GPC6: variants seen among roughly 807,000 people sequenced by gnomAD.
The protein encoded by GPC6 is glypican 6, also known as glypican-6.
Under a neutral mutation model 55.2 loss-of-function variants are expected in GPC6, and 14 were observed. The observed-to-expected ratio is 0.25, with a 90% CI of 0.17 to 0.40. The LOEUF is 0.40. Among genes scored for constraint, GPC6 ranks in the 10% least tolerant of loss-of-function variants. The pLI, the probability that GPC6 is intolerant of heterozygous loss-of-function variation, is 1.00. For synonymous variants in GPC6, 278 were observed against 259.6 expected, an observed-to-expected ratio of 1.07 and a Z score of -0.68; for missense variants, 641 against 708.5, an observed-to-expected ratio of 0.90 and a Z score of 1.08.
rs546439594 is a variant in GPC6, at chr13:94,043,886, A to G, written c.877+15992A>G. 8.2e-4 allele frequency among the ~76,000 whole-genome samples: 124 copies of G among 151,900 alleles called. 1 individual carries two copies. Among genetic ancestry groups the G allele is most frequent in the Middle Eastern group, 3.4e-3 (1 of 294 alleles). ...AATTACTTAGGTTAGTTATGTTCTT[A>G]GTTACTTAGGTTAGTCATCTTCTTG... On this transcript the variant is annotated intron_variant, in intron 4 of 8. Coordinates refer to ENST00000377047, the MANE Select transcript of GPC6 (RefSeq NM_005708.5).
upstream of GPC6, among the ~76,000 whole-genome samples, chr13:93,223,133 G>T (rs1271635370): frequency 1.4e-5 from 2 of 147,764 alleles, no homozygotes; most frequent in African/African-American, 5.0e-5. Context: ...TCCCTTGGTG[G>T]TGAGCACAAT....
intron 6 of GPC6, among the ~76,000 whole-genome samples, chr13:94,349,241 C>T (rs9561542): frequency 0.13 from 19,820 of 152,106 alleles, 1,496 homozygotes; most frequent in East Asian, 0.23. Flanking sequence ...CTATCTGTGC[C>T]GCCACAGAAA....
At chr13:93,454,868 A>T (rs539104633) in intron 1 of GPC6, among the ~76,000 whole-genome samples, 1 of 152,340 alleles carries the variant, frequency 6.6e-6, no homozygotes, top group East Asian at 1.9e-4. Flanking sequence ...TGGGCCGCAC[A>T]GGAGCCCATG....
chr13:93,718,643 C>T (rs1883337282), intron 2 of GPC6, among the ~76,000 whole-genome samples: 1 of 151,984 alleles, frequency 6.6e-6, no homozygotes, highest in African/African-American at 2.4e-5. Context: ...GCTTTTGTTG[C>T]AATTGCTCTT....
chr13:93,977,953 A>G (rs923837245), intron 3 of GPC6, among the ~76,000 whole-genome samples: 1 of 152,230 alleles, frequency 6.6e-6, no homozygotes. Context: ...TGTCTAAAAT[A>G]TCTTATGCTG....
At chr13:93,376,775 AC>A (rs1210584054) in intron 1 of GPC6, among the ~76,000 whole-genome samples, 3 of 121,150 alleles carry the variant, frequency 2.5e-5, no homozygotes, top group Non-Finnish European at 5.0e-5. Flanking sequence ...ATTCTTGCTC[AC>A]TTTTTTTTTT....
At chr13:94,127,921 T>C (rs1489606180) in intron 4 of GPC6, among the ~76,000 whole-genome samples, 2 of 152,094 alleles carry the variant, frequency 1.3e-5, no homozygotes, top group East Asian at 3.9e-4. Context: ...AAAGCCAAAT[T>C]AGGAATTAGA....
chr13:93,698,831 C>T (rs1360675434), intron 2 of GPC6, among the ~76,000 whole-genome samples: 4 of 151,922 alleles, frequency 2.6e-5, no homozygotes, highest in Non-Finnish European at 4.4e-5. Flanking sequence ...CCTCCTTCTT[C>T]CTTTTTTCTC....
chr13:94,306,078 T>C lies in GPC6; in HGVS notation c.1107T>C (p.Pro369=), dbSNP rs1201551450. 1 of 1,614,190 alleles carries C rather than the reference T, an allele frequency of 6.2e-7. No homozygotes were observed. Among genetic ancestry groups the C allele is most frequent in the South Asian group, 1.1e-5 (1 of 91,088 alleles). The change falls in exon 6 of 9, where the codon CCT becomes CCC. Residue 369 remains proline (P), a synonymous_variant. Coordinates refer to ENST00000377047, the MANE Select transcript of GPC6 (RefSeq NM_005708.5). ...NFNTRFRPYN[P]EERPTTAAGT... is the part of the protein sequence containing the mutation. Reference sequence around the variant, plus strand: ...ATACACGTTTCAGGCCCTACAATCCTGAGGAAAGACCAACAACTGCTGCAG... The same window carrying C: ...ATACACGTTTCAGGCCCTACAATCCCGAGGAAAGACCAACAACTGCTGCAG...
rs112896466 is a variant in GPC6, at chr13:93,245,476, A to G, written c.160+17860A>G. On this transcript the variant is annotated intron_variant, in intron 1 of 8. Transcript: ENST00000377047. The stretch of plus-strand genomic sequence containing the variant: ...TTTACTATGCACCAGAATCACCGAA[A>G]GGCTTGCAAAACACAAATGGCTGGG... 6.4e-3 allele frequency among the ~76,000 whole-genome samples: 982 copies of G among 152,278 alleles called. 7 individuals carry two copies. Among genetic ancestry groups the G allele is most frequent in the African/African-American group, 0.023 (936 of 41,554 alleles).
intron 2 of GPC6, among the ~76,000 whole-genome samples, chr13:93,805,631 T>C (rs891666164): frequency 1.3e-5 from 2 of 152,214 alleles, no homozygotes; most frequent in Non-Finnish European, 2.9e-5. Context: ...TACATAGTTT[T>C]TAGCCACTGC....
intron 3 of GPC6, among the ~76,000 whole-genome samples, chr13:93,982,560 A>C (rs1177956371): frequency 1.3e-5 from 2 of 152,192 alleles, no homozygotes; most frequent in Non-Finnish European, 1.5e-5. Context: ...TCTCTCTGTC[A>C]AGAATCAATC....
intron 3 of GPC6, among the ~76,000 whole-genome samples, chr13:93,996,623 A>G (rs572689798): frequency 6.6e-6 from 1 of 151,826 alleles, no homozygotes; most frequent in African/African-American, 2.4e-5. Context: ...AACTAAAACC[A>G]CTCCAGGTCA....
intron 2 of GPC6, among the ~76,000 whole-genome samples, chr13:93,707,465 T>G (rs1473100377): frequency 6.6e-6 from 1 of 151,734 alleles, no homozygotes; most frequent in Non-Finnish European, 1.5e-5. Context: ...CAAGAAAAAT[T>G]GGATGGTAGG....
At chr13:93,687,080 G>A (rs969173453) in intron 2 of GPC6, among the ~76,000 whole-genome samples, 1 of 151,702 alleles carries the variant, frequency 6.6e-6, no homozygotes, top group Non-Finnish European at 1.5e-5. Context: ...TTGTCAAGCT[G>A]GAATTCTTTG....
chr13:93,487,114 G>C (rs890051456), intron 1 of GPC6, among the ~76,000 whole-genome samples: 1 of 152,122 alleles, frequency 6.6e-6, no homozygotes, highest in Admixed American at 6.5e-5. Flanking sequence ...GTGGCCAGAG[G>C]CCATTCTAAC....
upstream of GPC6, among the ~76,000 whole-genome samples, chr13:93,224,167 G>C (rs1312833609): frequency 4.0e-5 from 6 of 150,782 alleles, no homozygotes; most frequent in Non-Finnish European, 7.4e-5. Flanking sequence ...CAAAGTGCTG[G>C]GATTACAGGC....
intron 3 of GPC6, among the ~76,000 whole-genome samples, chr13:93,875,577 G>A (rs1172280025): frequency 6.6e-6 from 1 of 152,074 alleles, no homozygotes; most frequent in Non-Finnish European, 1.5e-5. Flanking sequence ...GAAAGGGAAT[G>A]TGTCTTTCTT....
intron 4 of GPC6, among the ~76,000 whole-genome samples, chr13:94,031,507 G>A (rs1346483682): frequency 6.6e-6 from 1 of 152,130 alleles, no homozygotes; most frequent in Non-Finnish European, 1.5e-5. Flanking sequence ...AAACAGGAGA[G>A]TGGCTTTTAG....
Sources: allele counts gnomAD v4.1 joint callset (sites outside exome capture counted in the v4.1 genomes callset), GRCh38; gene constraint gnomAD v4.1.1; transcripts MANE v1.5; gene names NCBI Gene and HGNC (gene_info 2026-07-23, HGNC 2026-07-21).